Variants in PAK1 observed in about 807,000 individuals in gnomAD.
PAK1 encodes the protein p21 (RAC1) activated kinase 1.
In PAK1, 29 loss-of-function variants were observed where a neutral mutation model predicts 67.4. The observed-to-expected ratio is 0.43, with a 90% CI of 0.32 to 0.59. The LOEUF (loss-of-function observed/expected upper bound fraction) is 0.59, where lower values mean the gene tolerates loss of function less well. Ranked by LOEUF, PAK1 falls within the 20% of genes least tolerant of loss-of-function variation. The pLI is 0.07. For missense variants in PAK1, 337 were observed against 670.7 expected (o/e 0.50, Z 5.50); for synonymous variants, 223 against 237.4 (o/e 0.94, Z 0.56).
intron 1 of PAK1, among the ~76,000 whole-genome samples, chr11:77,397,873 A>G (rs1565665144): frequency 6.6e-6 from 1 of 152,250 alleles, no homozygotes; most frequent in African/African-American, 2.4e-5. Context: ...ATTACCTAAG[A>G]TCACACAGCA....
At chr11:77,377,204 G>A (rs1263016510) in intron 4 of PAK1, among the ~76,000 whole-genome samples, 3 of 152,068 alleles carry the variant, frequency 2.0e-5, no homozygotes, top group African/African-American at 7.2e-5. Context: ...GAGCCCAGGA[G>A]GCACAGGCTG....
the PAK1 span, among the ~76,000 whole-genome samples, chr11:77,526,747 C>A: frequency 4.9e-3 from 741 of 152,146 alleles, 7 homozygotes; most frequent in Middle Eastern, 0.017. Context: ...GAAACCCGGT[C>A]TCTACTAAGA....
intron 11 of PAK1, 71 bp from the exon 12 acceptor site, chr11:77,337,494 C>A: frequency 2.7e-6 from 2 of 737,878 alleles, no homozygotes; most frequent in African/African-American, 1.8e-5. Context: ...AATAGAAAAT[C>A]CACTAATTCA....
the PAK1 span, among the ~76,000 whole-genome samples, chr11:77,501,072 A>T: frequency 6.6e-6 from 1 of 151,076 alleles, no homozygotes; most frequent in African/African-American, 2.4e-5. Context: ...AATCGCTTGA[A>T]CCCAGGAGGC....
intron 14 of PAK1, among the ~76,000 whole-genome samples, chr11:77,327,396 T>G (rs370448100): frequency 6.6e-6 from 1 of 152,226 alleles, no homozygotes; most frequent in African/African-American, 2.4e-5. Context: ...AAGGTCGGGT[T>G]ACCCACAAAG....
chr11:77,525,416 G>A, the PAK1 span, among the ~76,000 whole-genome samples: 2 of 152,046 alleles, frequency 1.3e-5, no homozygotes, highest in Non-Finnish European at 2.9e-5. Flanking sequence ...AATTATTTTA[G>A]AACTTGAATG....
At chr11:77,474,537 A>G (rs989610863), upstream of PAK1, 1 of 152,138 alleles carries the variant, frequency 6.6e-6, no homozygotes, top group African/African-American at 2.4e-5. Flanking sequence ...AAAGACGGCT[A>G]ACTTCCGGCG....
rs545077006 is a variant in PAK1, at chr11:77,409,669, G to GT, written c.-21-17129dup. 7.3e-5 allele frequency among the ~76,000 whole-genome samples: 11 copies of GT among 151,430 alleles called. No homozygotes were observed. In the East Asian group the frequency reaches 1.9e-3, roughly 27 times the overall value. ...ATGACACTGGATACCATTTTTTCAG[G>GT]TAAAAAAAAAGCCAGGTACAGGAAG... On this transcript the variant is annotated intron_variant, in intron 1 of 14. Transcript: ENST00000356341.
At chr11:77,384,720 G>A (rs1328605869) in intron 2 of PAK1, among the ~76,000 whole-genome samples, 1 of 152,198 alleles carries the variant, frequency 6.6e-6, no homozygotes, top group East Asian at 1.9e-4. Flanking sequence ...ACACAGAGTA[G>A]ATTAGTGGTT....
chr11:77,336,362 ATAG>A, intron 12 of PAK1, 80 bp from the exon 13 acceptor site: 1 of 1,072,032 alleles, frequency 9.3e-7, no homozygotes, highest in Non-Finnish European at 1.3e-6. Flanking sequence ...GTACCTACAC[ATAG>A]GTGACAAGAT....
chr11:77,415,798 T>C (rs1954914364), intron 1 of PAK1, among the ~76,000 whole-genome samples: 1 of 152,074 alleles, frequency 6.6e-6, no homozygotes. Flanking sequence ...TTAAATTTTT[T>C]TTTCTTCAAC....
chr11:77,331,372 C>T (rs1941472793), intron 14 of PAK1, among the ~76,000 whole-genome samples: 1 of 152,206 alleles, frequency 6.6e-6, no homozygotes, highest in African/African-American at 2.4e-5. Context: ...ACAGCAAAGA[C>T]TTGGAACCAA....
intron 1 of PAK1, among the ~76,000 whole-genome samples, chr11:77,449,619 A>G (rs1956767833): frequency 6.6e-6 from 1 of 151,152 alleles, no homozygotes; most frequent in African/African-American, 2.4e-5. Flanking sequence ...TCTTTAAAGC[A>G]TTACAATGTT....
chr11:77,414,958 C>T (rs770320472), intron 1 of PAK1, among the ~76,000 whole-genome samples: 5 of 151,816 alleles, frequency 3.3e-5, no homozygotes, highest in Non-Finnish European at 7.4e-5. Flanking sequence ...AGAAACAAAC[C>T]ACAGACTGGG....
chr11:77,423,402 TACACACACACACACACACAC>T (rs5792767), intron 1 of PAK1, among the ~76,000 whole-genome samples: 11 of 137,022 alleles, frequency 8.0e-5, no homozygotes, highest in African/African-American at 2.7e-4. Flanking sequence ...TGCTTTCAAA[TACACACACACACACACACAC>T]ACACACACAC....
chr11:77,420,236 G>C (rs559030733), intron 1 of PAK1, among the ~76,000 whole-genome samples: 1 of 152,270 alleles, frequency 6.6e-6, no homozygotes, highest in South Asian at 2.1e-4. Flanking sequence ...GGAGAAAAAA[G>C]TATGAACGGT....
chr11:77,330,787 G>A (rs1402071267), intron 14 of PAK1, among the ~76,000 whole-genome samples: 1 of 152,140 alleles, frequency 6.6e-6, no homozygotes, highest in African/African-American at 2.4e-5. Flanking sequence ...TGACAAATGG[G>A]ATCTAATTAA....
the PAK1 span, among the ~76,000 whole-genome samples, chr11:77,491,028 G>C: frequency 6.6e-6 from 1 of 151,260 alleles, no homozygotes; most frequent in East Asian, 2.0e-4. Context: ...GAAAACCAGA[G>C]ACCTTTGTTC....
intron 6 of PAK1, chr11:77,356,436 T>C (rs1028634927): frequency 6.6e-6 from 1 of 152,122 alleles, no homozygotes; most frequent in African/African-American, 2.4e-5. Flanking sequence ...GGTAGTAGAG[T>C]GTGATGATTT....
Sources: gnomAD v4.1 joint callset for allele counts (sites outside exome capture counted in the v4.1 genomes callset) on GRCh38, gnomAD v4.1.1 for gene constraint, MANE v1.5 for transcripts, NCBI Gene and HGNC (gene_info 2026-07-23, HGNC 2026-07-21) for gene names.